CEP112: variants seen among roughly 807,000 people sequenced by gnomAD.
CEP112 encodes centrosomal protein of 112 kDa.
Under a neutral mutation model 153.0 loss-of-function variants are expected in CEP112, and 127 were observed. The ratio of observed to expected loss-of-function variants is 0.83; its 90% CI spans 0.72 to 0.96. CEP112 has a LOEUF of 0.96. CEP112 is among the 40% of genes least tolerant of loss of function. The pLI is 0.00. For missense variants in CEP112, 1,089 were observed against 1,101.2 expected, an observed-to-expected ratio of 0.99 and a Z score of 0.16; for synonymous variants, 358 against 374.4, an observed-to-expected ratio of 0.96 and a Z score of 0.51.
chr17:66,052,124 C>A (rs572984143), intron 12 of CEP112, among the ~76,000 whole-genome samples: 1 of 152,160 alleles, frequency 6.6e-6, no homozygotes. Context: ...TGGTCCCCAG[C>A]TTACAATGGC....
intron 20 of CEP112, among the ~76,000 whole-genome samples, chr17:65,863,724 TG>T (rs2058385852): frequency 7.4e-6 from 1 of 135,100 alleles, no homozygotes; most frequent in African/African-American, 2.8e-5. Flanking sequence ...CATTCCAGCC[TG>T]GGTGACAGAG....
chr17:66,037,089 G>T (rs2065770784), intron 12 of CEP112, among the ~76,000 whole-genome samples: 1 of 151,898 alleles, frequency 6.6e-6, no homozygotes, highest in African/African-American at 2.4e-5. Context: ...CTCATGAATG[G>T]GATATTATAA....
chr17:65,968,287 T>C (rs1176398181), intron 17 of CEP112, among the ~76,000 whole-genome samples: 1 of 152,140 alleles, frequency 6.6e-6, no homozygotes, highest in African/African-American at 2.4e-5. Context: ...CTGAAATATT[T>C]ATTTCCTTCA....
chr17:65,937,874 G>A (rs1197518910), intron 18 of CEP112, among the ~76,000 whole-genome samples: 60 of 113,180 alleles, frequency 5.3e-4, no homozygotes, highest in East Asian at 1.5e-3. Flanking sequence ...CTACTGGGAA[G>A]TGAGGAGCCC....
intron 20 of CEP112, among the ~76,000 whole-genome samples, chr17:65,876,067 G>A (rs1256267606): frequency 6.6e-6 from 1 of 152,044 alleles, no homozygotes; most frequent in African/African-American, 2.4e-5. Context: ...AGTATCTAGA[G>A]TCTTCTTCCT....
At chr17:65,680,060 T>C (rs1174650615) in intron 24 of CEP112, among the ~76,000 whole-genome samples, 1 of 152,204 alleles carries the variant, frequency 6.6e-6, no homozygotes, top group Non-Finnish European at 1.5e-5. Flanking sequence ...GCTTTGGCCT[T>C]CTTATAGGAG....
At chr17:65,885,678 G>T (rs951930391) in intron 20 of CEP112, among the ~76,000 whole-genome samples, 4 of 152,166 alleles carry the variant, frequency 2.6e-5, no homozygotes, top group African/African-American at 9.7e-5. Context: ...GTTTTAATTA[G>T]CTGGTGATAT....
intron 21 of CEP112, among the ~76,000 whole-genome samples, chr17:65,789,116 C>T (rs761669712): frequency 2.6e-5 from 4 of 152,160 alleles, no homozygotes; most frequent in African/African-American, 4.8e-5. Flanking sequence ...CCCAAAGGCA[C>T]TCAACTAACT....
chr17:65,971,203 AC>A (rs1354423392), intron 17 of CEP112, among the ~76,000 whole-genome samples: 1 of 151,930 alleles, frequency 6.6e-6, no homozygotes, highest in Admixed American at 6.6e-5. Flanking sequence ...ATCACATTGC[AC>A]GTATGTATAT....
At chr17:65,745,739 A>G (rs2051409981) in intron 22 of CEP112, among the ~76,000 whole-genome samples, 1 of 152,172 alleles carries the variant, frequency 6.6e-6, no homozygotes, top group Non-Finnish European at 1.5e-5. Flanking sequence ...TATATCCACA[A>G]CTGCAGTCAT....
chr17:65,645,377 C>A (rs1317674931), intron 24 of CEP112, among the ~76,000 whole-genome samples: 2 of 152,170 alleles, frequency 1.3e-5, no homozygotes, highest in South Asian at 4.2e-4. Flanking sequence ...CTCTTCTTAT[C>A]GTTTTATATC....
chr17:65,699,479 C>A (rs563201237), intron 23 of CEP112, among the ~76,000 whole-genome samples: 4 of 152,240 alleles, frequency 2.6e-5, no homozygotes, highest in Non-Finnish European at 5.9e-5. Flanking sequence ...AATAATAACA[C>A]ATCTATCAGT....
chr17:66,102,740 C>A (rs932415961), intron 6 of CEP112, among the ~76,000 whole-genome samples: 1 of 145,736 alleles, frequency 6.9e-6, no homozygotes, highest in African/African-American at 2.5e-5. Flanking sequence ...AGAGCTTGCA[C>A]TGAGCCGAGA....
chr17:66,191,861 A>T lies in CEP112; in HGVS notation c.-9+136T>A, dbSNP rs953964035. On this transcript the variant is annotated intron_variant, in intron 1 of 26. Transcript: ENST00000535342. The surrounding 1 kb of genome is among the most constrained non-coding windows in gnomAD (Gnocchi z 4.2). ...GGGCGCGCGCCCCCCAGGCCCGGAG[A>T]ACGGGCCCAGGGCCTGAGGGCGACG... 1.3e-5 allele frequency: 2 copies of T among 152,078 alleles called. No individual in the cohort carries two copies. The highest frequency in any genetic ancestry group is 2.9e-5 in the Non-Finnish European group (2 of 67,978). 9.4% of individuals were successfully genotyped at this position (152,078 alleles called of 1,614,324 possible).
intron 21 of CEP112, among the ~76,000 whole-genome samples, chr17:65,851,059 A>G (rs1221866843): frequency 6.6e-6 from 1 of 152,208 alleles, no homozygotes; most frequent in Non-Finnish European, 1.5e-5. Context: ...TTGAAGATGA[A>G]GAGGGATAGG....
At chr17:65,933,461 G>C (rs1056045158) in intron 18 of CEP112, among the ~76,000 whole-genome samples, 1 of 152,114 alleles carries the variant, frequency 6.6e-6, no homozygotes, top group Non-Finnish European at 1.5e-5. Flanking sequence ...CACATACAAG[G>C]GAGTTGTAAC....
chr17:66,116,593 T>A (rs907018426), intron 6 of CEP112, among the ~76,000 whole-genome samples: 5 of 152,192 alleles, frequency 3.3e-5, no homozygotes, highest in Non-Finnish European at 7.3e-5. Flanking sequence ...TTGTACTTCA[T>A]TTTAAGCTTT....
chr17:65,805,824 C>A (rs1049470701), intron 21 of CEP112, among the ~76,000 whole-genome samples: 1 of 152,124 alleles, frequency 6.6e-6, no homozygotes, highest in South Asian at 2.1e-4. Flanking sequence ...TCTCAATGTT[C>A]TGCCTAAAAT....
At chr17:66,021,522 T>G (rs1252703771) in intron 16 of CEP112, among the ~76,000 whole-genome samples, 2 of 152,188 alleles carry the variant, frequency 1.3e-5, no homozygotes, top group East Asian at 1.9e-4. Context: ...GTGTTGCAAC[T>G]GGCTCCCTTG....
Sources: gnomAD v4.1 joint callset for allele counts (sites outside exome capture counted in the v4.1 genomes callset) on GRCh38, gnomAD v4.1.1 for gene constraint, Gnocchi (gnomAD v3.1) non-coding constraint, MANE v1.5 for transcripts, NCBI Gene and HGNC (gene_info 2026-07-23, HGNC 2026-07-21) for gene names.